The following DENND1A variants were observed in gnomAD, a reference collection of about 807,000 sequenced individuals.
The protein encoded by DENND1A is DENN domain-containing protein 1A.
DENND1A carries 51 observed loss-of-function variants against 113.7 expected under a neutral mutation model. The observed-to-expected ratio is 0.45, with a 90% CI of 0.36 to 0.57. The LOEUF (loss-of-function observed/expected upper bound fraction) is 0.57, where lower values mean the gene tolerates loss of function less well. Among genes scored for constraint, DENND1A ranks in the 20% least tolerant of loss-of-function variants. DENND1A has a pLI of 0.00. For missense variants in DENND1A, 1,258 were observed against 1,395.9 expected (o/e 0.90, Z 1.57); for synonymous variants, 565 against 570.8 (o/e 0.99, Z 0.14).
At chr9:123,508,293 C>A (rs2053147132) in intron 13 of DENND1A, among the ~76,000 whole-genome samples, 1 of 152,244 alleles carries the variant, frequency 6.6e-6, no homozygotes, top group Non-Finnish European at 1.5e-5. Flanking sequence ...TCAAATTCCA[C>A]TGTGTCTTTG....
At chr9:123,568,676 T>C (rs1305917469) in intron 12 of DENND1A, among the ~76,000 whole-genome samples, 1 of 152,152 alleles carries the variant, frequency 6.6e-6, no homozygotes, top group African/African-American at 2.4e-5. Flanking sequence ...CTGGGCTGAA[T>C]GGATACAGAT....
chr9:123,730,676 A>G lies in DENND1A; in HGVS notation c.302+27027T>C, dbSNP rs146326527. 4.5e-3 allele frequency among the ~76,000 whole-genome samples: 691 copies of G among 152,350 alleles called. 2 individuals are homozygous for G. Among genetic ancestry groups the G allele is most frequent in the Non-Finnish European group, 8.0e-3 (545 of 68,030 alleles). On this transcript the variant is annotated intron_variant, in intron 5 of 23. Coordinates refer to ENST00000394215, the MANE Select transcript of DENND1A (RefSeq NM_001352964.2). ...GTTGGTGGGAGTGTAAATGAGTTCA[A>G]CCATTGTGGAAGACAGTGTGGCGAT...
rs772312044 is a variant in DENND1A, at chr9:123,630,364, C to G, written c.719+12G>C. The G allele has an allele frequency of 6.3e-7, 1 of 1,580,850 alleles. No individual in the cohort carries two copies. The highest frequency in any genetic ancestry group is 1.1e-5 in the South Asian group (1 of 87,086). On this transcript the variant is annotated intron_variant, in intron 10 of 23. Transcript: ENST00000394215. The stretch of plus-strand genomic sequence containing the variant: ...GCAAAGGAGAAGCAGAGGACAGGGC[C>G]AGCCACCTTACCAGCAGTAGTCCAG...
chr9:123,449,380 C>T (rs1409382767), intron 18 of DENND1A, among the ~76,000 whole-genome samples: 2 of 152,082 alleles, frequency 1.3e-5, no homozygotes, highest in African/African-American at 4.8e-5. Flanking sequence ...AATAAAAATA[C>T]AAAAATTAGC....
chr9:123,780,517 A>G (rs1831145415), intron 3 of DENND1A, among the ~76,000 whole-genome samples: 1 of 152,250 alleles, frequency 6.6e-6, no homozygotes, highest in South Asian at 2.1e-4. Flanking sequence ...TTTAATCCTC[A>G]TAGGAAGCAG....
chr9:123,642,717 G>A (rs1832730177), intron 9 of DENND1A, among the ~76,000 whole-genome samples: 1 of 152,212 alleles, frequency 6.6e-6, no homozygotes, highest in African/African-American at 2.4e-5. Flanking sequence ...AACATGCAGA[G>A]TGGAGTGTGC....
rs562219854 is a variant in DENND1A, at chr9:123,454,767, A to G, written c.1199T>C (p.Leu400Pro). ...NMGEYAGSDK[L>P]YHQWLSTVRK... ...GACAGTGGAGAGCCACTGATGGTAC[A>G]GTTTGTCACTGCCTGGGGAAAGAGA... Residue 400 changes from leucine to proline, a missense_variant, in exon 16 of 24, where the codon CTG becomes CCG. Physicochemically the swap from Leu to Pro is moderately conservative, Grantham distance 98 (BLOSUM62 -3). Around this residue, in one of 2 missense-constraint regions of DENND1A, gnomAD observed 1,159 missense variants for 1,231.7 expected, o/e 0.94. Coordinates refer to ENST00000394215, the MANE Select transcript of DENND1A (RefSeq NM_001352964.2). 1.3e-6 allele frequency: 2 copies of G among 1,554,940 alleles called. No homozygotes were observed. The highest frequency in any genetic ancestry group is 2.4e-5 in the South Asian group (2 of 84,244).
chr9:123,382,406 T>A lies in DENND1A; in HGVS notation c.2239A>T (p.Lys747Ter). The change falls in exon 24 of 24, where the codon AAG (lysine) becomes TAG (stop). Residue 747 changes from lysine to a stop codon, truncating the protein, a stop_gained. Coordinates refer to ENST00000394215, the MANE Select transcript of DENND1A (RefSeq NM_001352964.2). LOFTEE classifies it high-confidence loss of function. ...NRDSILNPSD[K>*]EEVPTPTLGS... ...AGAGTAGGGGTGGGCACCTCCTCCT[T>A]GTCACTGGGGTTCAGGATGCTGTCC... is the stretch of plus-strand genomic sequence containing the variant. 1 of 1,601,520 alleles carries A rather than the reference T, an allele frequency of 6.2e-7. No homozygotes were observed. The highest frequency in any genetic ancestry group is 8.5e-7 in the Non-Finnish European group (1 of 1,173,494).
chr9:123,615,345 C>T (rs916416475), intron 10 of DENND1A, among the ~76,000 whole-genome samples: 15 of 152,208 alleles, frequency 9.9e-5, no homozygotes, highest in African/African-American at 3.4e-4. Flanking sequence ...GGACTAGAAC[C>T]CAAGCCCATG....
chr9:123,693,975 G>C (rs1033159814), intron 5 of DENND1A, among the ~76,000 whole-genome samples: 1 of 151,272 alleles, frequency 6.6e-6, no homozygotes, highest in Admixed American at 6.6e-5. Flanking sequence ...CTTCAGGCGT[G>C]TGCCACCGCA....
chr9:123,522,865 A>G (rs1365930870), intron 13 of DENND1A, among the ~76,000 whole-genome samples: 4 of 152,208 alleles, frequency 2.6e-5, no homozygotes, highest in African/African-American at 9.6e-5. Flanking sequence ...AGAGAGATGG[A>G]GCCACAAGCA....
chr9:123,426,255 ATC>A (rs2045720827), intron 19 of DENND1A, among the ~76,000 whole-genome samples: 1 of 152,184 alleles, frequency 6.6e-6, no homozygotes, highest in Non-Finnish European at 1.5e-5. Context: ...GGCCCTGCCT[ATC>A]TCAACGTGTG....
intron 4 of DENND1A, among the ~76,000 whole-genome samples, chr9:123,761,645 T>A (rs1447323804): frequency 6.6e-6 from 1 of 152,198 alleles, no homozygotes; most frequent in East Asian, 1.9e-4. Context: ...ATTCCCTTTT[T>A]TAATTCCTGG....
intron 12 of DENND1A, among the ~76,000 whole-genome samples, chr9:123,561,953 T>G (rs1013398254): frequency 6.6e-6 from 1 of 152,162 alleles, no homozygotes; most frequent in Non-Finnish European, 1.5e-5. Context: ...CCCATGACAT[T>G]GGCCCTGCAA....
chr9:123,416,122 G>A (rs1472034500), intron 19 of DENND1A, among the ~76,000 whole-genome samples: 2 of 152,172 alleles, frequency 1.3e-5, no homozygotes, highest in African/African-American at 2.4e-5. Flanking sequence ...CCGAGAGGAC[G>A]GCAGAGCTGG....
chr9:123,393,246 C>T (rs2042945979), intron 21 of DENND1A, among the ~76,000 whole-genome samples: 1 of 152,232 alleles, frequency 6.6e-6, no homozygotes, highest in African/African-American at 2.4e-5. Flanking sequence ...ATTCACCTGC[C>T]AACAAGTAGA....
chr9:123,589,659 A>C (rs1241837723), intron 11 of DENND1A, among the ~76,000 whole-genome samples: 8 of 151,296 alleles, frequency 5.3e-5, no homozygotes, highest in South Asian at 4.2e-4. Flanking sequence ...AAAAAAAAAA[A>C]AAAAAAAAAA....
intron 13 of DENND1A, among the ~76,000 whole-genome samples, chr9:123,499,196 G>A (rs2052240136): frequency 6.6e-6 from 1 of 151,846 alleles, no homozygotes; most frequent in South Asian, 2.1e-4. Context: ...ACCACGCCTG[G>A]CTACTTTTTG....
intron 12 of DENND1A, among the ~76,000 whole-genome samples, chr9:123,572,295 T>C (rs1293869988): frequency 6.6e-6 from 1 of 152,204 alleles, no homozygotes; most frequent in Non-Finnish European, 1.5e-5. Flanking sequence ...TTCTTGATTG[T>C]GGAGTAGCCT....
Sources: allele counts gnomAD v4.1 joint callset (sites outside exome capture counted in the v4.1 genomes callset), GRCh38; gene constraint gnomAD v4.1.1; regional missense constraint gnomAD v4.1.1; transcripts MANE v1.5; gene names NCBI Gene and HGNC (gene_info 2026-07-23, HGNC 2026-07-21).